The following ZNF385D variants were observed in gnomAD, a reference collection of about 807,000 sequenced individuals.
ZNF385D encodes the protein zinc finger protein 659.
A neutral mutation model predicts 35.8 loss-of-function variants in ZNF385D; 15 were observed. The observed-to-expected ratio is 0.42, with a 90% CI of 0.28 to 0.64. The LOEUF is 0.64. Among genes scored for constraint, ZNF385D ranks in the 30% least tolerant of loss-of-function variants. ZNF385D has a pLI of 0.23. For synonymous variants in ZNF385D, 212 were observed against 186.8 expected, an observed-to-expected ratio of 1.13 and a Z score of -1.10; for missense variants, 474 against 494.6, an observed-to-expected ratio of 0.96 and a Z score of 0.39.
chr3:21,685,612 T>C (rs2067078654), intron 1 of ZNF385D, among the ~76,000 whole-genome samples: 1 of 152,204 alleles, frequency 6.6e-6, no homozygotes, highest in African/African-American at 2.4e-5. Flanking sequence ...CTTCACCTGA[T>C]GGATGTTGAA....
At chr3:21,819,808 A>G (rs2073323774) in intron 3 of ZNF385D, among the ~76,000 whole-genome samples, 1 of 143,696 alleles carries the variant, frequency 7.0e-6, no homozygotes, top group African/African-American at 2.5e-5. Flanking sequence ...ATACATAAAT[A>G]TAATATACAT....
At chr3:22,359,963 G>GT (rs1193633198) in intron 2 of ZNF385D, among the ~76,000 whole-genome samples, 9 of 151,838 alleles carry the variant, frequency 5.9e-5, no homozygotes, top group African/African-American at 9.7e-5. Flanking sequence ...GTTCTTAAAC[G>GT]TATGTATGGA....
intron 2 of ZNF385D, among the ~76,000 whole-genome samples, chr3:21,651,131 A>C (rs1309976272): frequency 6.6e-6 from 1 of 151,280 alleles, no homozygotes; most frequent in African/African-American, 2.4e-5. Flanking sequence ...TACAAAAAAA[A>C]AAAAAAATCA....
chr3:22,197,573 G>A lies in ZNF385D; in HGVS notation c.107-28538C>T, dbSNP rs780998312. Among the ~76,000 whole-genome samples the A allele has an allele frequency of 1.1e-4, 16 of 152,188 alleles. 1 individual carries two copies. The Middle Eastern group carries it at 0.02, about 194-fold the overall frequency. Reference sequence around the variant, plus strand: ...GCCTCTTCCAGGGAATGGGCTTTGGGCCCTTACTCCTAGAGTGCAGGTCTT... The same window carrying A: ...GCCTCTTCCAGGGAATGGGCTTTGGACCCTTACTCCTAGAGTGCAGGTCTT... On this transcript the variant is annotated intron_variant, in intron 2 of 5. Coordinates refer to the ZNF385D transcript ENST00000494108.
chr3:21,567,987 G>A (rs770404590), intron 2 of ZNF385D, among the ~76,000 whole-genome samples: 9 of 151,816 alleles, frequency 5.9e-5, no homozygotes, highest in Non-Finnish European at 1.5e-5. Flanking sequence ...GATCACTGTG[G>A]CTATAAAATC....
At chr3:21,744,538 T>C (rs73035629) in intron 1 of ZNF385D, among the ~76,000 whole-genome samples, 2 of 152,336 alleles carry the variant, frequency 1.3e-5, no homozygotes, top group Non-Finnish European at 2.9e-5. Context: ...GGGTCTTTTA[T>C]GCCCATCCCA....
intron 3 of ZNF385D, among the ~76,000 whole-genome samples, chr3:21,907,162 A>T (rs1052425200): frequency 6.6e-6 from 1 of 152,112 alleles, no homozygotes; most frequent in Non-Finnish European, 1.5e-5. Context: ...ATGGTCTCTT[A>T]ATCTTAGTTT....
At chr3:22,247,171 CTTTA>C (rs1699828911) in intron 2 of ZNF385D, among the ~76,000 whole-genome samples, 1 of 151,966 alleles carries the variant, frequency 6.6e-6, no homozygotes, top group Non-Finnish European at 1.5e-5. Context: ...AAAAATCCAG[CTTTA>C]TTTCCTATTG....
intron 3 of ZNF385D, among the ~76,000 whole-genome samples, chr3:22,002,857 T>C (rs1480851022): frequency 6.6e-6 from 1 of 152,174 alleles, no homozygotes; most frequent in African/African-American, 2.4e-5. Context: ...TCTCAATAGA[T>C]GTAGAAAAAT....
chr3:22,028,683 A>C (rs1220875280), intron 3 of ZNF385D, among the ~76,000 whole-genome samples: 1 of 152,176 alleles, frequency 6.6e-6, no homozygotes, highest in South Asian at 2.1e-4. Flanking sequence ...ATCCATGATC[A>C]TGGTATTCCA....
intron 3 of ZNF385D, among the ~76,000 whole-genome samples, chr3:22,156,705 C>T (rs1375638525): frequency 1.3e-5 from 2 of 152,078 alleles, no homozygotes; most frequent in Non-Finnish European, 2.9e-5. Flanking sequence ...CTTTCCTCTT[C>T]CTCACCCTTT....
chr3:22,218,625 C>T (rs1198440029), intron 2 of ZNF385D, among the ~76,000 whole-genome samples: 2 of 152,064 alleles, frequency 1.3e-5, no homozygotes, highest in Admixed American at 6.6e-5. Flanking sequence ...ATATTAGAAT[C>T]TTTTTCTTGT....
At chr3:21,653,743 A>G (rs1575403572) in intron 2 of ZNF385D, among the ~76,000 whole-genome samples, 2 of 151,984 alleles carry the variant, frequency 1.3e-5, no homozygotes, top group East Asian at 3.9e-4. Flanking sequence ...GAATTTTTTT[A>G]CCTAAAAAAA....
intron 3 of ZNF385D, among the ~76,000 whole-genome samples, chr3:21,964,223 T>C (rs926540775): frequency 8.6e-5 from 13 of 151,804 alleles, no homozygotes; most frequent in Non-Finnish European, 1.6e-4. Flanking sequence ...AGATATGAGA[T>C]ACAAATTTCT....
intron 1 of ZNF385D, among the ~76,000 whole-genome samples, chr3:21,705,066 G>A (rs1335488613): frequency 2.0e-5 from 3 of 152,136 alleles, no homozygotes; most frequent in African/African-American, 4.8e-5. Context: ...GGTTCGTGTT[G>A]CCAGATCTTC....
chr3:21,824,459 TCACA>T (rs1034383190), intron 3 of ZNF385D, among the ~76,000 whole-genome samples: 17 of 152,152 alleles, frequency 1.1e-4, no homozygotes, highest in Admixed American at 3.9e-4. Flanking sequence ...CCTTTCTCTC[TCACA>T]CACAAATATG....
At chr3:21,931,334 C>A (rs1700997183) in intron 3 of ZNF385D, among the ~76,000 whole-genome samples, 1 of 152,176 alleles carries the variant, frequency 6.6e-6, no homozygotes. Flanking sequence ...GAACTGCACA[C>A]ATAGGTGGTG....
intron 3 of ZNF385D, among the ~76,000 whole-genome samples, chr3:21,907,796 C>A (rs1010092572): frequency 6.6e-6 from 1 of 152,054 alleles, no homozygotes; most frequent in Admixed American, 6.6e-5. Context: ...AATTTTACTA[C>A]AGATTGTTCA....
chr3:22,255,275 C>CT (rs1398131290), intron 2 of ZNF385D, among the ~76,000 whole-genome samples: 1 of 151,082 alleles, frequency 6.6e-6, no homozygotes, highest in African/African-American at 2.4e-5. Flanking sequence ...ATGTATTCCC[C>CT]CCCCCAAAAT....
Sources: gnomAD v4.1 joint callset for allele counts (sites outside exome capture counted in the v4.1 genomes callset) on GRCh38, gnomAD v4.1.1 for gene constraint, MANE v1.5 for transcripts, NCBI Gene and HGNC (gene_info 2026-07-23, HGNC 2026-07-21) for gene names.